SPOCK3: variants seen among roughly 807,000 people sequenced by gnomAD.
SPOCK3 encodes the protein testican-3.
SPOCK3 carries 30 observed loss-of-function variants against 56.6 expected under a neutral mutation model. That is an observed-to-expected ratio of 0.53 (90% CI 0.40 to 0.72). SPOCK3 has a LOEUF of 0.72. Among genes scored for constraint, SPOCK3 ranks in the 30% least tolerant of loss-of-function variants. SPOCK3 has a pLI of 0.00. For missense variants in SPOCK3, 527 were observed against 530.0 expected (o/e 0.99, Z 0.06); for synonymous variants, 196 against 183.3 (o/e 1.07, Z -0.56).
intron 6 of SPOCK3, among the ~76,000 whole-genome samples, chr4:166,867,348 G>A (rs1263473356): frequency 6.6e-6 from 1 of 151,944 alleles, no homozygotes; most frequent in Non-Finnish European, 1.5e-5. Flanking sequence ...ATGAGAAAGA[G>A]ATAGAGAAGA....
At position 167,021,243 on chromosome 4, in the gene SPOCK3, C is replaced by T. The variant is rs182738680; in HGVS notation, c.236-20780G>A. 1.1e-4 allele frequency among the ~76,000 whole-genome samples: 16 copies of T among 152,096 alleles called. No homozygotes were observed. In the East Asian group the frequency reaches 2.9e-3, roughly 28 times the overall value. ...CATAGAAAATATTAACACAAAGTGGCTCATTAAATGTCTATTTAAGTCATC... is the reference window on the plus strand; with the variant it reads ...CATAGAAAATATTAACACAAAGTGGTTCATTAAATGTCTATTTAAGTCATC... On this transcript the variant is annotated intron_variant, in intron 3 of 10. Coordinates refer to ENST00000357545, the MANE Select transcript of SPOCK3 (RefSeq NM_001040159.2).
intron 6 of SPOCK3, among the ~76,000 whole-genome samples, chr4:166,854,191 T>G (rs1730424551): frequency 6.6e-6 from 1 of 152,162 alleles, no homozygotes; most frequent in Non-Finnish European, 1.5e-5. Flanking sequence ...TCAGCAAACC[T>G]TAGAATGTTA....
chr4:167,122,081 T>A (rs1406379982), intron 2 of SPOCK3, among the ~76,000 whole-genome samples: 2 of 147,800 alleles, frequency 1.4e-5, no homozygotes, highest in African/African-American at 4.9e-5. Context: ...TTTCTTTTCC[T>A]TTCTTTTCTT....
intron 2 of SPOCK3, among the ~76,000 whole-genome samples, chr4:167,185,520 A>T (rs1731867659): frequency 6.6e-6 from 1 of 152,102 alleles, no homozygotes; most frequent in African/African-American, 2.4e-5. Flanking sequence ...CCAGAGAACC[A>T]ACCCTAAATC....
intron 6 of SPOCK3, among the ~76,000 whole-genome samples, chr4:166,841,672 G>A (rs1197328551): frequency 6.6e-6 from 1 of 152,046 alleles, no homozygotes; most frequent in Admixed American, 6.6e-5. Flanking sequence ...TTGCATACAT[G>A]TTATTGCAAA....
At chr4:167,197,799 G>T (rs1288720542) in intron 2 of SPOCK3, among the ~76,000 whole-genome samples, 1 of 152,132 alleles carries the variant, frequency 6.6e-6, no homozygotes, top group Non-Finnish European at 1.5e-5. Context: ...AATGGCCTTT[G>T]CAAGAAAGTA....
chr4:167,233,937 C>G (rs200265991), intron 2 of SPOCK3, 48 bp downstream of exon 2: 1 of 1,558,998 alleles, frequency 6.4e-7, no homozygotes, highest in South Asian at 1.1e-5. Flanking sequence ...GCCCCCGCCT[C>G]GGAGCAGCGC....
intron 2 of SPOCK3, among the ~76,000 whole-genome samples, chr4:167,118,939 A>T (rs1341938001): frequency 2.0e-5 from 3 of 151,988 alleles, no homozygotes; most frequent in African/African-American, 7.2e-5. Context: ...AGCCCTTCTT[A>T]CTTGTACTTT....
chr4:166,737,964 T>A (rs1346167307), intron 9 of SPOCK3, among the ~76,000 whole-genome samples: 1 of 152,216 alleles, frequency 6.6e-6, no homozygotes, highest in African/African-American at 2.4e-5. Flanking sequence ...CCACTTAGCA[T>A]GGCAGAAGAC....
chr4:167,152,418 A>G (rs561049374), intron 2 of SPOCK3, among the ~76,000 whole-genome samples: 1 of 152,280 alleles, frequency 6.6e-6, no homozygotes, highest in Admixed American at 6.5e-5. Context: ...ATATATAACA[A>G]CGAACCATGG....
intron 2 of SPOCK3, among the ~76,000 whole-genome samples, chr4:167,195,705 G>A (rs574865489): frequency 1.1e-3 from 166 of 152,270 alleles, no homozygotes; most frequent in Admixed American, 2.4e-3. Context: ...GTAGGACCAA[G>A]GCTAAAACGC....
At chr4:166,957,219 T>A (rs1263198730) in intron 4 of SPOCK3, among the ~76,000 whole-genome samples, 1 of 152,152 alleles carries the variant, frequency 6.6e-6, no homozygotes, top group Non-Finnish European at 1.5e-5. Flanking sequence ...AGCACTGCAC[T>A]CCCGCATGGG....
At chr4:166,925,081 A>G (rs62352347) in intron 4 of SPOCK3, among the ~76,000 whole-genome samples, 29,104 of 152,182 alleles carry the variant, frequency 0.19, 3,107 homozygotes, top group South Asian at 0.26. Context: ...CTATGCTTAT[A>G]TATTACTATG....
At chr4:166,997,226 C>T (rs1239188716) in intron 4 of SPOCK3, among the ~76,000 whole-genome samples, 2 of 151,810 alleles carry the variant, frequency 1.3e-5, no homozygotes, top group Non-Finnish European at 2.9e-5. Context: ...AATACTTAGG[C>T]GATAGGCTGA....
intron 2 of SPOCK3, among the ~76,000 whole-genome samples, chr4:167,181,590 T>C (rs1339078032): frequency 6.6e-6 from 1 of 152,188 alleles, no homozygotes; most frequent in African/African-American, 2.4e-5. Flanking sequence ...CTTCTGTATT[T>C]CCCCTCCGCT....
At chr4:167,038,509 T>A (rs918597392) in intron 3 of SPOCK3, among the ~76,000 whole-genome samples, 2 of 152,096 alleles carry the variant, frequency 1.3e-5, no homozygotes, top group African/African-American at 2.4e-5. Flanking sequence ...CAGAATCTAA[T>A]AGCCTGGTTA....
intron 2 of SPOCK3, among the ~76,000 whole-genome samples, chr4:167,141,485 T>C (rs957939754): frequency 6.6e-6 from 1 of 152,044 alleles, no homozygotes; most frequent in Non-Finnish European, 1.5e-5. Flanking sequence ...AAATCTGGTG[T>C]CCAATTCAGC....
At position 166,733,919 on chromosome 4, in the gene SPOCK3, A is replaced by G. The variant is rs1229887143; in HGVS notation, c.*1002T>C. The G allele has an allele frequency of 3.9e-5, 6 of 152,230 alleles. No homozygotes were observed. Among genetic ancestry groups the G allele is most frequent in the Non-Finnish European group, 8.9e-5 (6 of 67,750 alleles). The allele number at this position is 152,230 out of a possible 1,614,324, so 9.4% of individuals were successfully genotyped here. ...TATACTATATTGGTATGCATGCTAA[A>G]ATCTTTCTATCTCTATTTTTGCAAG... On this transcript the variant is annotated 3_prime_UTR_variant, in exon 11 of 11. Coordinates refer to ENST00000357545, the MANE Select transcript of SPOCK3 (RefSeq NM_001040159.2).
At chr4:167,029,361 A>G (rs1561137589) in intron 3 of SPOCK3, among the ~76,000 whole-genome samples, 1 of 151,890 alleles carries the variant, frequency 6.6e-6, no homozygotes, top group Admixed American at 6.6e-5. Flanking sequence ...TCTGTTACCA[A>G]TTTCTGATAA....
Sources: gnomAD v4.1 joint callset for allele counts (sites outside exome capture counted in the v4.1 genomes callset) on GRCh38, gnomAD v4.1.1 for gene constraint, MANE v1.5 for transcripts, NCBI Gene and HGNC (gene_info 2026-07-23, HGNC 2026-07-21) for gene names.